The following PCDH7 variants were observed in gnomAD, a reference collection of about 807,000 sequenced individuals.
PCDH7 encodes the protein protocadherin-7.
PCDH7 carries 17 observed loss-of-function variants against 58.9 expected under a neutral mutation model. The observed-to-expected ratio is 0.29, with a 90% CI of 0.20 to 0.43. PCDH7 has a LOEUF of 0.43. PCDH7 is among the 20% of genes least tolerant of loss of function. The pLI is 1.00. For missense variants in PCDH7, 1,274 were observed against 1,441.0 expected (o/e 0.88, Z 1.88); for synonymous variants, 664 against 616.4 (o/e 1.08, Z -1.14).
At chr4:30,985,691 C>T (rs563119739) in intron 3 of PCDH7, among the ~76,000 whole-genome samples, 340 of 152,262 alleles carry the variant, frequency 2.2e-3, no homozygotes, top group Non-Finnish European at 3.5e-3. Flanking sequence ...CCCATCAATA[C>T]GTAGTTGATC....
intron 3 of PCDH7, among the ~76,000 whole-genome samples, chr4:31,119,142 C>T (rs1354898409): frequency 1.3e-5 from 2 of 152,010 alleles, no homozygotes; most frequent in Non-Finnish European, 2.9e-5. Context: ...TTTCTTTCTT[C>T]ATGATGGGAA....
At chr4:31,017,337 C>G (rs973135932) in intron 3 of PCDH7, among the ~76,000 whole-genome samples, 1 of 152,050 alleles carries the variant, frequency 6.6e-6, no homozygotes, top group East Asian at 1.9e-4. Flanking sequence ...ATTTGATGCA[C>G]AGCATTGTGA....
Position 30,780,432 on chromosome 4 carries a change from A to G in PCDH7, c.70+55836A>G, listed in dbSNP as rs1294499985. Among the ~76,000 whole-genome samples the G allele has an allele frequency of 2.6e-5, 4 of 151,964 alleles. No individual in the cohort carries two copies. The East Asian group carries it at 7.7e-4, about 29-fold the overall frequency. Reference sequence around the variant, plus strand: ...TGAGGCAGGAGAATCGCTTGAACCCAGAAGACAGAAGTTGCAGTTAGCTGA... The same window carrying G: ...TGAGGCAGGAGAATCGCTTGAACCCGGAAGACAGAAGTTGCAGTTAGCTGA... On this transcript the variant is annotated intron_variant, in intron 1 of 3. Transcript: ENST00000509759.
downstream of PCDH7, chr4:31,144,597 T>A (rs1720555796): frequency 6.6e-6 from 1 of 152,228 alleles, no homozygotes; most frequent in South Asian, 2.1e-4. Context: ...TTTCATGCTT[T>A]GCAGAATTTC....
At chr4:30,815,543 T>A (rs1727564089) in intron 1 of PCDH7, among the ~76,000 whole-genome samples, 1 of 152,354 alleles carries the variant, frequency 6.6e-6, no homozygotes, top group African/African-American at 2.4e-5. Flanking sequence ...TGGAGCGGGC[T>A]GTCCACATGC....
chr4:30,752,225 C>T (rs908954067), intron 1 of PCDH7, among the ~76,000 whole-genome samples: 7 of 152,192 alleles, frequency 4.6e-5, no homozygotes, highest in African/African-American at 9.6e-5. Context: ...CTTCCGCCTG[C>T]GGGTTCAAGC....
chr4:30,745,107 T>C (rs78062488), intron 1 of PCDH7, among the ~76,000 whole-genome samples: 4,818 of 152,214 alleles, frequency 0.032, 236 homozygotes, highest in East Asian at 0.22. Context: ...ATAAAGAAGA[T>C]ATATAGACAC....
At chr4:30,782,787 T>C (rs1463053009) in intron 1 of PCDH7, among the ~76,000 whole-genome samples, 2 of 152,218 alleles carry the variant, frequency 1.3e-5, no homozygotes, top group Non-Finnish European at 2.9e-5. Context: ...CAAGGCCTAC[T>C]TGTTCAGATT....
chr4:30,856,703 A>T (rs1292709144), intron 1 of PCDH7, among the ~76,000 whole-genome samples: 77 of 148,594 alleles, frequency 5.2e-4, no homozygotes, highest in South Asian at 1.7e-3. Flanking sequence ...GAAAAAAAAA[A>T]AAAAATATAT....
intron 1 of PCDH7, among the ~76,000 whole-genome samples, chr4:30,813,427 G>T (rs1227535451): frequency 1.3e-5 from 2 of 152,040 alleles, no homozygotes; most frequent in East Asian, 3.9e-4. Flanking sequence ...TGTTGGTTTG[G>T]CAAAACATTA....
At chr4:30,962,022 C>T (rs1748481506) in intron 3 of PCDH7, among the ~76,000 whole-genome samples, 1 of 152,146 alleles carries the variant, frequency 6.6e-6, no homozygotes, top group Non-Finnish European at 1.5e-5. Context: ...TTCTCCCTTT[C>T]CTTAGTCAAC....
At chr4:30,972,340 G>A (rs1749666044) in intron 3 of PCDH7, among the ~76,000 whole-genome samples, 1 of 152,062 alleles carries the variant, frequency 6.6e-6, no homozygotes, top group Admixed American at 6.5e-5. Flanking sequence ...TTTGATTTTT[G>A]TGTTTTTGTG....
At chr4:30,976,182 G>A (rs1288733920) in intron 3 of PCDH7, among the ~76,000 whole-genome samples, 1 of 151,676 alleles carries the variant, frequency 6.6e-6, no homozygotes, top group Non-Finnish European at 1.5e-5. Context: ...ACAGAGTTTC[G>A]CTCTTGTTGC....
chr4:30,774,600 T>C (rs575256665), intron 1 of PCDH7, among the ~76,000 whole-genome samples: 18 of 152,154 alleles, frequency 1.2e-4, no homozygotes, highest in Non-Finnish European at 2.1e-4. Flanking sequence ...TTGGCCCTCA[T>C]AGAGTTTATG....
At chr4:30,916,116 G>C (rs907146132) in intron 1 of PCDH7, among the ~76,000 whole-genome samples, 1 of 152,022 alleles carries the variant, frequency 6.6e-6, no homozygotes, top group Non-Finnish European at 1.5e-5. Context: ...GAAAATAATG[G>C]GCATAAAAAT....
At chr4:30,762,642 G>C (rs1281994292) in intron 1 of PCDH7, among the ~76,000 whole-genome samples, 1 of 152,122 alleles carries the variant, frequency 6.6e-6, no homozygotes, top group African/African-American at 2.4e-5. Context: ...GATTTTCAAA[G>C]ACCAAAGAAA....
chr4:30,983,090 G>T (rs1750703168), intron 3 of PCDH7, among the ~76,000 whole-genome samples: 1 of 152,150 alleles, frequency 6.6e-6, no homozygotes, highest in Admixed American at 6.5e-5. Flanking sequence ...GTAGGTAGCT[G>T]CAGGGGGCAT....
chr4:31,082,021 C>T (rs1013393945), intron 3 of PCDH7, among the ~76,000 whole-genome samples: 2 of 152,112 alleles, frequency 1.3e-5, no homozygotes, highest in Admixed American at 1.3e-4. Context: ...CTCCTGACCT[C>T]GCGATCTGCC....
At chr4:30,943,158 T>A (rs1424226854) in intron 2 of PCDH7, among the ~76,000 whole-genome samples, 2 of 152,038 alleles carry the variant, frequency 1.3e-5, no homozygotes, top group Admixed American at 1.3e-4. Context: ...TGAACCTCCA[T>A]ATCAATTCTG....
Sources: allele counts gnomAD v4.1 joint callset (sites outside exome capture counted in the v4.1 genomes callset), GRCh38; gene constraint gnomAD v4.1.1; transcripts MANE v1.5; gene names NCBI Gene and HGNC (gene_info 2026-07-23, HGNC 2026-07-21).